The following HELLS variants were observed in gnomAD, a reference collection of about 807,000 sequenced individuals.
The protein encoded by HELLS is helicase, lymphoid specific.
Under a neutral mutation model 120.0 loss-of-function variants are expected in HELLS, and 32 were observed. The observed-to-expected ratio is 0.27, with a 90% CI of 0.20 to 0.36. The LOEUF (loss-of-function observed/expected upper bound fraction) is 0.36. Among genes scored for constraint, HELLS ranks in the 10% least tolerant of loss-of-function variants. The pLI is 1.00. For synonymous variants in HELLS, 341 were observed against 323.4 expected, an observed-to-expected ratio of 1.05 and a Z score of -0.58; for missense variants, 650 against 993.4, an observed-to-expected ratio of 0.65 and a Z score of 4.65.
intron 10 of HELLS, among the ~76,000 whole-genome samples, chr10:94,581,038 A>G (rs1051036758): frequency 1.3e-5 from 2 of 152,220 alleles, no homozygotes; most frequent in African/African-American, 2.4e-5. Flanking sequence ...GAAAGCTACA[A>G]CTGCGTTGAC....
intron 6 of HELLS, among the ~76,000 whole-genome samples, chr10:94,566,748 G>C (rs1843818991): frequency 6.6e-6 from 1 of 151,456 alleles, no homozygotes; most frequent in African/African-American, 2.4e-5. Context: ...CCCAGTTCAA[G>C]CAATTCTTTC....
chr10:94,559,650 T>C (rs1238289130), intron 4 of HELLS, among the ~76,000 whole-genome samples: 1 of 151,922 alleles, frequency 6.6e-6, no homozygotes, highest in Non-Finnish European at 1.5e-5. Flanking sequence ...TTCACCATAT[T>C]GGGTGGGCTG....
At chr10:94,608,214 T>G (rs1245250317) in intron 9 of HELLS, among the ~76,000 whole-genome samples, 2 of 152,254 alleles carry the variant, frequency 1.3e-5, no homozygotes, top group Non-Finnish European at 2.9e-5. Flanking sequence ...TAAAACTTAT[T>G]CCACAGTTTC....
intron 6 of HELLS, among the ~76,000 whole-genome samples, chr10:94,564,998 T>C (rs950345692): frequency 1.3e-5 from 2 of 152,184 alleles, no homozygotes; most frequent in African/African-American, 2.4e-5. Context: ...TACATAATAG[T>C]TTTCCTTTTC....
At position 94,545,816 on chromosome 10, in the gene HELLS, G is replaced by C; in HGVS notation, c.-106G>C. The stretch of plus-strand genomic sequence containing the variant: ...GGAGAAGCGCGCTTTTTTCCCTGGC[G>C]GGGGATTTGGCTAGAAGGCTGGGCC... On this transcript the variant is annotated 5_prime_UTR_variant, in exon 1 of 22. Coordinates refer to ENST00000348459, the MANE Select transcript of HELLS (RefSeq NM_018063.5). The C allele has an allele frequency of 7.7e-7, 1 of 1,304,178 alleles. No individual in the cohort carries two copies. The allele number at this position is 1,304,178 out of a possible 1,614,324, so 80.8% of individuals were successfully genotyped here.
In HELLS at chr10:94,583,942, C is replaced by G. The variant is rs75419281; in HGVS notation, c.1326+883C>G. ...AACAATATAAACAAGGTTGTAGTAT[C>G]TGTATTTAAAACTACACCTTTGCCC... is the stretch of plus-strand genomic sequence containing the variant. On this transcript the variant is annotated intron_variant, in intron 12 of 21. Coordinates refer to ENST00000348459, the MANE Select transcript of HELLS (RefSeq NM_018063.5). 1,020 of 487,156 alleles carry G rather than the reference C, an allele frequency of 2.1e-3. 9 individuals are homozygous for G. The highest frequency in any genetic ancestry group is 0.018 in the African/African-American group (935 of 50,608). The allele number at this position is 487,156 out of a possible 1,614,324, so 30.2% of individuals were successfully genotyped here.
Position 94,576,764 on chromosome 10 carries a change from A to G in HELLS, c.991A>G (p.Thr331Ala). 1.2e-6 allele frequency: 2 copies of G among 1,611,174 alleles called. No homozygotes were observed. Among genetic ancestry groups the G allele is most frequent in the Non-Finnish European group, 1.7e-6 (2 of 1,178,610 alleles). The change falls in exon 10 of 22, where the codon ACG (threonine) becomes GCG (alanine). Residue 331 changes from threonine to alanine, a missense_variant. Physicochemically the swap from Thr to Ala is moderately conservative, Grantham distance 58. Around this residue, in one of 9 missense-constraint regions of HELLS, gnomAD observed 61 missense variants for 86.5 expected, o/e 0.71. Transcript: ENST00000348459. ...TTTGCAGATTCATCCTGTGGTAATC[A>G]CGTCATTTGAAATAGCCATGAGAGA... is the stretch of plus-strand genomic sequence containing the variant. ...GTLQIHPVVI[T>A]SFEIAMRDRN...
chr10:94,582,263 T>G (rs12218216), intron 11 of HELLS, among the ~76,000 whole-genome samples: 55,954 of 152,012 alleles, frequency 0.37, 10,844 homozygotes, highest in East Asian at 0.68. Context: ...TTATTGTGAC[T>G]CTGGGCGCTT....
intron 10 of HELLS, among the ~76,000 whole-genome samples, chr10:94,578,423 G>A (rs975842384): frequency 5.3e-5 from 8 of 152,056 alleles, no homozygotes; most frequent in Non-Finnish European, 1.0e-4. Flanking sequence ...AGGGCTGGCC[G>A]TAGTGGCTCA....
chr10:94,565,152 C>G (rs955252124), intron 6 of HELLS, among the ~76,000 whole-genome samples: 7 of 152,132 alleles, frequency 4.6e-5, no homozygotes, highest in Admixed American at 2.0e-4. Flanking sequence ...GTCTGGCCAA[C>G]ATGGTGAAAC....
intron 19 of HELLS, 101 bp downstream of exon 19, chr10:94,594,955 T>C (rs1564617071): frequency 4.5e-6 from 4 of 888,294 alleles, no homozygotes; most frequent in Non-Finnish European, 6.8e-6. Flanking sequence ...CTGGGCCGAG[T>C]TCTGTGTCTC....
downstream of HELLS, among the ~76,000 whole-genome samples, chr10:94,603,028 C>A (rs563944130): frequency 2.0e-5 from 3 of 152,296 alleles, no homozygotes; most frequent in African/African-American, 7.2e-5. Context: ...TAGACGCAGT[C>A]AGAAAAGAAT....
rs1476561589 is a variant in HELLS at position 94,580,140 on chromosome 10, TATATATATATATATATATATATAC to T, written c.1033-1184_1033-1161del. Among the ~76,000 whole-genome samples, 95 of 72,156 alleles carry T rather than the reference TATATATATATATATATATATATAC, an allele frequency of 1.3e-3. 3 individuals are homozygous for T. Among genetic ancestry groups the T allele is most frequent in the African/African-American group, 4.4e-3 (57 of 12,940 alleles). 47.3% of individuals were successfully genotyped at this position (72,156 alleles called of 152,430 possible). The stretch of plus-strand genomic sequence containing the variant: ...AAGTATATATATATATATATATATA[TATATATATATATATATATATATAC>T]ACACACACACACACACACACATTTT... On this transcript the variant is annotated intron_variant, in intron 10 of 21. Transcript: ENST00000348459.
intron 12 of HELLS, among the ~76,000 whole-genome samples, chr10:94,587,284 AG>A (rs1221114788): frequency 6.6e-6 from 1 of 152,226 alleles, no homozygotes. Context: ...TTGGGTACAT[AG>A]TAGATGTATA....
intron 12 of HELLS, chr10:94,583,983 CT>C: frequency 1.7e-6 from 1 of 600,852 alleles, no homozygotes; most frequent in Non-Finnish European, 2.9e-6. Flanking sequence ...TGGCTATTTC[CT>C]TAGGAAAGAA....
chr10:94,557,191 AT>A (rs1843314601), intron 3 of HELLS: 1 of 429,440 alleles, frequency 2.3e-6, no homozygotes, highest in African/African-American at 2.0e-5. Context: ...TGTTATGAAG[AT>A]TTAAAAACTT....
chr10:94,588,727 G>A (rs1186853723), intron 13 of HELLS, among the ~76,000 whole-genome samples: 2 of 152,164 alleles, frequency 1.3e-5, no homozygotes, highest in African/African-American at 4.8e-5. Flanking sequence ...GGACTTGGGT[G>A]AATTTCTAAC....
chr10:94,594,471 G>C (rs1334897511), intron 18 of HELLS, among the ~76,000 whole-genome samples: 3 of 152,118 alleles, frequency 2.0e-5, no homozygotes, highest in Non-Finnish European at 4.4e-5. Flanking sequence ...GAGTCATCGT[G>C]CCCATCCTGA....
At chr10:94,608,175 T>C (rs1846148377) in intron 9 of HELLS, 1 of 156,588 alleles carries the variant, frequency 6.4e-6, no homozygotes, top group Non-Finnish European at 1.4e-5. Context: ...TGTTTATAAA[T>C]TTATTTACAT....
Sources: gnomAD v4.1 joint callset for allele counts (sites outside exome capture counted in the v4.1 genomes callset) on GRCh38, gnomAD v4.1.1 for gene constraint, gnomAD v4.1.1 regional missense constraint, MANE v1.5 for transcripts, NCBI Gene and HGNC (gene_info 2026-07-23, HGNC 2026-07-21) for gene names.